The following ADTRP variants were observed in gnomAD, a reference collection of about 807,000 sequenced individuals.
ADTRP encodes the protein androgen dependent TFPI regulating protein, also known as androgen-dependent TFPI-regulating protein.
ADTRP carries 20 observed loss-of-function variants against 27.0 expected under a neutral mutation model. That is an observed-to-expected ratio of 0.74 (90% confidence interval 0.52 to 1.08). The LOEUF (loss-of-function observed/expected upper bound fraction) is 1.08. Ranked by LOEUF, ADTRP falls within the 50% of genes least tolerant of loss-of-function variation. ADTRP has a pLI of 0.00. For synonymous variants in ADTRP, 101 were observed against 105.2 expected (o/e 0.96, Z 0.25); for missense variants, 251 against 275.0 (o/e 0.91, Z 0.62).
intron 4 of ADTRP, among the ~76,000 whole-genome samples, chr6:11,725,617 A>G (rs1198513928): frequency 1.3e-5 from 2 of 152,232 alleles, no homozygotes; most frequent in Non-Finnish European, 2.9e-5. Context: ...TTGGAAAACT[A>G]TATGGTGGTT....
chr6:11,769,968 A>C (rs1763711903), intron 1 of ADTRP: 5 of 1,512,316 alleles, frequency 3.3e-6, no homozygotes, highest in Non-Finnish European at 4.5e-6. Flanking sequence ...TAACAACCTT[A>C]CGAGCCAAGT....
intron 1 of ADTRP, 32 bp downstream of exon 1, chr6:11,778,575 G>A: frequency 6.3e-7 from 1 of 1,599,808 alleles, no homozygotes; most frequent in Non-Finnish European, 8.5e-7. Flanking sequence ...TAGAGAAATG[G>A]ATCGGTTCCT....
chr6:11,735,575 T>C lies in ADTRP; in HGVS notation c.499A>G (p.Ile167Val). ...TLLAAASIAY[I>V]SRILWLYFET... is the part of the protein sequence containing the mutation. ...TCTCCATGTAATTCTTACCGGCTGA[T>C]GTAAGCAATGCTGGCAGCAGCCAGC... Residue 167 changes from isoleucine (I) to valine (V), a missense_variant, in exon 4 of 6, where the codon ATC becomes GTC. Coordinates refer to ENST00000414691, the MANE Select transcript of ADTRP (RefSeq NM_032744.4). 6 of 1,611,622 alleles carry C rather than the reference T, an allele frequency of 3.7e-6. No individual in the cohort carries two copies. Among genetic ancestry groups the C allele is most frequent in the Non-Finnish European group, 4.2e-6 (5 of 1,177,872 alleles).
chr6:11,755,817 T>C (rs1581352716), intron 3 of ADTRP, among the ~76,000 whole-genome samples: 1 of 152,334 alleles, frequency 6.6e-6, no homozygotes, highest in Admixed American at 6.5e-5. Context: ...GATATCCAAG[T>C]AAATATCTGG....
At chr6:11,742,589 C>G (rs941253718) in intron 3 of ADTRP, among the ~76,000 whole-genome samples, 8 of 152,150 alleles carry the variant, frequency 5.3e-5, no homozygotes, top group African/African-American at 1.9e-4. Context: ...TTAAAGTTTT[C>G]CCCCTAGGCA....
chr6:11,730,289 G>A (rs1344838868), intron 4 of ADTRP, among the ~76,000 whole-genome samples: 1 of 152,148 alleles, frequency 6.6e-6, no homozygotes, highest in Non-Finnish European at 1.5e-5. Context: ...AAATGGTGCT[G>A]AGATTCCAAT....
Position 11,714,388 on chromosome 6 carries a change from C to G in ADTRP, c.*90G>C. ...TCCCTCCTACTTTGCTATGTTCCTC[C>G]ACCACCTCCCTCCACCAGAAAAAAA... On this transcript the variant is annotated 3_prime_UTR_variant, in exon 6 of 6. Coordinates refer to ENST00000414691, the MANE Select transcript of ADTRP (RefSeq NM_032744.4). 1 of 1,468,672 alleles carries G rather than the reference C, an allele frequency of 6.8e-7. No individual in the cohort carries two copies. Among genetic ancestry groups the G allele is most frequent in the South Asian group, 1.2e-5 (1 of 82,754 alleles). 91.0% of individuals were successfully genotyped at this position (1,468,672 alleles called of 1,614,324 possible). A position where few individuals can be genotyped will look rare whatever the true frequency, so the allele number is the denominator to read the frequency against.
intron 1 of ADTRP, chr6:11,769,972 G>C: frequency 6.6e-7 from 1 of 1,517,466 alleles, no homozygotes; most frequent in Non-Finnish European, 9.0e-7. Context: ...AACCTTACGA[G>C]CCAAGTCCTA....
At chr6:11,734,946 TC>T (rs67133409) in intron 4 of ADTRP, among the ~76,000 whole-genome samples, 22,950 of 152,172 alleles carry the variant, frequency 0.15, 1,872 homozygotes, top group Admixed American at 0.18. Flanking sequence ...AAGAAAAGTT[TC>T]CCACTCACTG....
chr6:11,776,931 G>A (rs1420082255), intron 1 of ADTRP, among the ~76,000 whole-genome samples: 1 of 152,164 alleles, frequency 6.6e-6, no homozygotes, highest in Admixed American at 6.5e-5. Flanking sequence ...CAAAACCAGT[G>A]CTTTGAGAAG....
chr6:11,757,104 T>C (rs1763235584), intron 3 of ADTRP, among the ~76,000 whole-genome samples: 1 of 152,260 alleles, frequency 6.6e-6, no homozygotes, highest in Non-Finnish European at 1.5e-5. Context: ...ACTCTCTTCT[T>C]CTTTTGCCTG....
intron 3 of ADTRP, among the ~76,000 whole-genome samples, chr6:11,763,308 T>C (rs187686342): frequency 7.9e-4 from 120 of 152,334 alleles, no homozygotes; most frequent in African/African-American, 2.5e-3. Context: ...GAGAGTGGTA[T>C]TTCTTACTTT....
chr6:11,742,018 A>G (rs2113257356), intron 3 of ADTRP, among the ~76,000 whole-genome samples: 1 of 125,380 alleles, frequency 8.0e-6, no homozygotes, highest in Non-Finnish European at 2.0e-5. Flanking sequence ...TGGTACCTAC[A>G]ATCACTTAGC....
At chr6:11,769,975 A>C (rs766885913) in intron 1 of ADTRP, 1 of 1,525,190 alleles carries the variant, frequency 6.6e-7, no homozygotes, top group Non-Finnish European at 8.9e-7. Flanking sequence ...CTTACGAGCC[A>C]AGTCCTATCA....
At chr6:11,751,494 G>A (rs1031702850) in intron 3 of ADTRP, among the ~76,000 whole-genome samples, 26 of 152,188 alleles carry the variant, frequency 1.7e-4, no homozygotes, top group African/African-American at 6.0e-4. Context: ...GCTGACATAG[G>A]TCACTATCTG....
chr6:11,771,911 C>T (rs1763793425), intron 1 of ADTRP, among the ~76,000 whole-genome samples: 1 of 152,172 alleles, frequency 6.6e-6, no homozygotes, highest in African/African-American at 2.4e-5. Context: ...ACCTTGCCCA[C>T]ATCTTCAACT....
intron 3 of ADTRP, among the ~76,000 whole-genome samples, chr6:11,750,336 A>T (rs543814711): frequency 1.3e-5 from 2 of 152,326 alleles, no homozygotes; most frequent in East Asian, 3.9e-4. Flanking sequence ...TCCCCTCCTG[A>T]GGAGGCCCAG....
chr6:11,769,886 A>T, intron 1 of ADTRP: 1 of 813,340 alleles, frequency 1.2e-6, no homozygotes, highest in Non-Finnish European at 2.0e-6. Flanking sequence ...AAATCTTACT[A>T]CTCAAAGCTA....
intron 3 of ADTRP, among the ~76,000 whole-genome samples, chr6:11,746,413 T>C (rs1462024962): frequency 6.6e-6 from 1 of 152,140 alleles, no homozygotes; most frequent in Non-Finnish European, 1.5e-5. Context: ...AATCCATAAG[T>C]CTTTGTGGTG....
Sources: allele counts gnomAD v4.1 joint callset (sites outside exome capture counted in the v4.1 genomes callset), GRCh38; gene constraint gnomAD v4.1.1; transcripts MANE v1.5; gene names NCBI Gene and HGNC (gene_info 2026-07-23, HGNC 2026-07-21).